The following AHNAK variants were observed in gnomAD, a reference collection of about 807,000 sequenced individuals.
AHNAK encodes neuroblast differentiation-associated protein AHNAK.
A neutral mutation model predicts 37.8 loss-of-function variants in AHNAK; 23 were observed. That is an observed-to-expected ratio of 0.61 (90% confidence interval 0.44 to 0.86). AHNAK has a LOEUF of 0.86. AHNAK is among the 40% of genes least tolerant of loss of function. The probability of loss-of-function intolerance (pLI) is 0.00; values close to 1 mark genes in which losing one functional copy is unlikely to be tolerated. For missense variants in AHNAK, 7,411 were observed against 7,319.4 expected (o/e 1.01, Z -0.46); for synonymous variants, 2,481 against 2,636.3 (o/e 0.94, Z 1.80).
chr11:62,516,710 T>C lies in AHNAK; in HGVS notation c.*34A>G. 2.6e-6 allele frequency: 4 copies of C among 1,542,996 alleles called. No homozygotes were observed. The South Asian group carries it at 3.9e-5, about 15-fold the overall frequency. On this transcript the variant is annotated 3_prime_UTR_variant, in exon 5 of 5. Transcript: ENST00000378024. ...ACCACCCAAGGCTGATGTTTTGTTA[T>C]ATATATATATATGTACACACATACA...
intron 5 of AHNAK, among the ~76,000 whole-genome samples, chr11:62,485,729 C>T (rs1376922240): frequency 2.3e-5 from 3 of 132,482 alleles, no homozygotes; most frequent in African/African-American, 5.9e-5. Flanking sequence ...AAAAGAATAA[C>T]AGAAGGCCGG....
chr11:62,449,945 G>A (rs4084162), intron 5 of AHNAK, among the ~76,000 whole-genome samples: 79,999 of 151,958 alleles, frequency 0.53, 22,250 homozygotes, highest in South Asian at 0.71. Context: ...TTTTTCCTGC[G>A]TGAAAATCTC....
In AHNAK at chr11:62,532,692, G is replaced by A. The variant is rs1940801807; in HGVS notation, c.1725C>T (p.Asp575=). 3 of 1,613,960 alleles carry A rather than the reference G, an allele frequency of 1.9e-6. No homozygotes were observed. The highest frequency in any genetic ancestry group is 2.5e-6 in the Non-Finnish European group (3 of 1,179,988). The change falls in exon 5 of 5, where the codon GAC becomes GAT. Residue 575 remains aspartate, a synonymous_variant. Transcript: ENST00000378024. The part of the protein sequence containing the change: ...GTCRISMSEV[D]LNVAAPKVKG... ...TCACTTTAGGTGCGGCCACATTTAAGTCTACTTCTGACATAGAGATCCTAC... is the reference window on the plus strand; with the variant it reads ...TCACTTTAGGTGCGGCCACATTTAAATCTACTTCTGACATAGAGATCCTAC...
chr11:62,495,756 TAGC>T, intron 4 of AHNAK, among the ~76,000 whole-genome samples: 1 of 106,448 alleles, frequency 9.4e-6, no homozygotes, highest in East Asian at 2.9e-4. Context: ...AAAAAAAAAA[TAGC>T]AGTAATATGC....
At chr11:62,543,124 G>C (rs1233651405) in intron 1 of AHNAK, among the ~76,000 whole-genome samples, 1 of 152,182 alleles carries the variant, frequency 6.6e-6, no homozygotes, top group Non-Finnish European at 1.5e-5. Context: ...CTCCCTGACA[G>C]GCCGTGTGCA....
chr11:62,453,846 G>A (rs1250900814), intron 5 of AHNAK, among the ~76,000 whole-genome samples: 2 of 152,226 alleles, frequency 1.3e-5, no homozygotes, highest in Non-Finnish European at 2.9e-5. Context: ...ATCTGGCCGG[G>A]CGCGGTGGCT....
intron 5 of AHNAK, among the ~76,000 whole-genome samples, chr11:62,448,450 T>G (rs1856773285): frequency 6.6e-6 from 1 of 151,952 alleles, no homozygotes; most frequent in Non-Finnish European, 1.5e-5. Flanking sequence ...TGGAGAGAGG[T>G]GGCCACCTTT....
intron 5 of AHNAK, among the ~76,000 whole-genome samples, chr11:62,447,918 T>C (rs1028705388): frequency 1.1e-4 from 17 of 152,066 alleles, no homozygotes; most frequent in African/African-American, 4.1e-4. Context: ...CAAGTTGTGA[T>C]CAGTGTATGC....
intron 5 of AHNAK, among the ~76,000 whole-genome samples, chr11:62,479,167 CTTTTTT>C (rs33929407): frequency 6.8e-4 from 79 of 116,246 alleles, no homozygotes; most frequent in African/African-American, 2.3e-3. Flanking sequence ...TTTCTTTTTT[CTTTTTT>C]TTTTTTTTTT....
chr11:62,480,566 C>T (rs1357354049), intron 5 of AHNAK, among the ~76,000 whole-genome samples: 1 of 151,874 alleles, frequency 6.6e-6, no homozygotes, highest in Non-Finnish European at 1.5e-5. Flanking sequence ...GAGGTTGAAG[C>T]AGGAGAATCG....
chr11:62,456,217 A>G (rs951363951), intron 5 of AHNAK, among the ~76,000 whole-genome samples: 2 of 152,184 alleles, frequency 1.3e-5, no homozygotes, highest in African/African-American at 4.8e-5. Flanking sequence ...GAATGGTGAC[A>G]AAATAAGTAT....
At chr11:62,464,450 C>T (rs78361626) in intron 5 of AHNAK, among the ~76,000 whole-genome samples, 1 of 151,918 alleles carries the variant, frequency 6.6e-6, no homozygotes, top group Non-Finnish European at 1.5e-5. Flanking sequence ...GGTGGATCAC[C>T]TGAGGTCAGG....
Position 62,522,246 on chromosome 11 carries a change from G to T in AHNAK, c.12171C>A (p.His4057Gln), listed in dbSNP as rs779314774. 2 of 1,612,048 alleles carry T rather than the reference G, an allele frequency of 1.2e-6. No homozygotes were observed. The highest frequency in any genetic ancestry group is 2.2e-5 in the East Asian group (1 of 44,770). Residue 4057 changes from histidine to glutamine, a missense_variant, in exon 5 of 5, where the codon CAC becomes CAA. By Grantham distance (24) the His-to-Gln change is conservative. Coordinates refer to ENST00000378024, the MANE Select transcript of AHNAK (RefSeq NM_001620.3). ...PDVDVHGPDW[H>Q]LKMPKVKMPK... ...GCATTTTCACCTTGGGCATCTTCAGGTGCCAGTCTGGGCCATGAACATCCA... is the reference window on the plus strand; with the variant it reads ...GCATTTTCACCTTGGGCATCTTCAGTTGCCAGTCTGGGCCATGAACATCCA...
chr11:62,441,332 A>C (rs1938301500), intron 5 of AHNAK, among the ~76,000 whole-genome samples: 1 of 151,822 alleles, frequency 6.6e-6, no homozygotes, highest in East Asian at 2.0e-4. Context: ...TTAGCCTGGC[A>C]TGGTACCGTG....
At chr11:62,434,463 G>C (rs1046048583) in intron 5 of AHNAK, among the ~76,000 whole-genome samples, 2 of 151,832 alleles carry the variant, frequency 1.3e-5, no homozygotes, top group African/African-American at 4.8e-5. Context: ...CCTCCTCCCC[G>C]AGTCACACCC....
Position 62,528,964 on chromosome 11 carries a change from T to C in AHNAK, c.5453A>G (p.Lys1818Arg), listed in dbSNP as rs1463184716. Residue 1818 changes from lysine to arginine, a missense_variant, in exon 5 of 5, where the codon AAA becomes AGA. Transcript: ENST00000378024. ...GDLRGPQVDVKGPFVEAEVPD... is the reference protein window; with the variant it reads ...GDLRGPQVDVRGPFVEAEVPD... ...CACCTCCGCTTCCACAAAAGGACCT[T>C]TGACATCAACTTGCGGCCCTCTGAG... 6 of 1,614,042 alleles carry C rather than the reference T, an allele frequency of 3.7e-6. No individual in the cohort carries two copies. Among genetic ancestry groups the C allele is most frequent in the South Asian group, 3.3e-5 (3 of 91,086 alleles).
At chr11:62,515,867 C>T (rs761163559), downstream of AHNAK, 110 of 1,099,092 alleles carry the variant, frequency 1.0e-4, no homozygotes, top group African/African-American at 6.4e-4. Flanking sequence ...CCAGGTTTCA[C>T]GCCCCCGCAA....
rs867980932 is a variant in AHNAK, at chr11:62,538,687, C to T, written c.-99-2120G>A. Among the ~76,000 whole-genome samples, 6 of 152,380 alleles carry T rather than the reference C, an allele frequency of 3.9e-5. No individual in the cohort carries two copies. The South Asian group carries it at 8.3e-4, about 21-fold the overall frequency. ...CACGCTGCGTTAGACGGTGACCTCA[C>T]ATCACTCACGCACCCATGTGCCAGA... On this transcript the variant is annotated intron_variant, in intron 1 of 4. Coordinates refer to ENST00000378024, the MANE Select transcript of AHNAK (RefSeq NM_001620.3).
At chr11:62,447,379 C>T (rs989440017) in intron 5 of AHNAK, among the ~76,000 whole-genome samples, 4 of 152,082 alleles carry the variant, frequency 2.6e-5, no homozygotes, top group South Asian at 2.1e-4. Flanking sequence ...CTTCTGGGGA[C>T]GATCCCTCCA....
Sources: gnomAD v4.1 joint callset for allele counts (sites outside exome capture counted in the v4.1 genomes callset) on GRCh38, gnomAD v4.1.1 for gene constraint, MANE v1.5 for transcripts, NCBI Gene and HGNC (gene_info 2026-07-23, HGNC 2026-07-21) for gene names.